The following AP3B1 variants were observed in gnomAD, a reference collection of about 807,000 sequenced individuals.
AP3B1 encodes the protein adaptor related protein complex 3 subunit beta 1.
A neutral mutation model predicts 132.5 loss-of-function variants in AP3B1; 61 were observed. The observed-to-expected ratio is 0.46, with a 90% confidence interval of 0.37 to 0.57. The LOEUF (loss-of-function observed/expected upper bound fraction) is 0.57, where lower values mean the gene tolerates loss of function less well. Ranked by LOEUF, AP3B1 falls within the 20% of genes least tolerant of loss-of-function variation. The pLI, the probability that AP3B1 is intolerant of heterozygous loss-of-function variation, is 0.00. For synonymous variants in AP3B1, 388 were observed against 438.3 expected (o/e 0.89, Z 1.43); for missense variants, 1,120 against 1,289.4 (o/e 0.87, Z 2.01).
chr5:78,067,349 TAGAC>T (rs1749336328), intron 22 of AP3B1, among the ~76,000 whole-genome samples: 2 of 152,294 alleles, frequency 1.3e-5, no homozygotes, highest in Middle Eastern at 3.4e-3. Context: ...CTGTCAATAT[TAGAC>T]AGATCATCGA....
intron 21 of AP3B1, among the ~76,000 whole-genome samples, chr5:78,097,049 CGGG>C (rs1750854181): frequency 8.1e-6 from 1 of 124,002 alleles, no homozygotes; most frequent in Non-Finnish European, 1.7e-5. Context: ...CCGCCCCGTC[CGGG>C]AGGGAGGTTG....
At chr5:78,020,973 T>C (rs1474383131) in intron 24 of AP3B1, among the ~76,000 whole-genome samples, 184 bp from the exon 25 acceptor site, 2 of 152,100 alleles carry the variant, frequency 1.3e-5, no homozygotes, top group Non-Finnish European at 1.5e-5. Context: ...TGCAGAAAAA[T>C]ACATCTGTTA....
At chr5:78,187,870 G>A (rs952748753) in intron 7 of AP3B1, among the ~76,000 whole-genome samples, 1 of 152,086 alleles carries the variant, frequency 6.6e-6, no homozygotes, top group African/African-American at 2.4e-5. Context: ...GCATGGTACT[G>A]GTACAAAAAC....
rs373481590 is a variant in AP3B1 at position 78,156,247 on chromosome 5, T to C, written c.1473+11A>G. On this transcript the variant is annotated intron_variant, in intron 14 of 26. Coordinates refer to ENST00000255194, the MANE Select transcript of AP3B1 (RefSeq NM_003664.5). ...ATAAAATTCAGCAAACATCTCTTAA[T>C]TGATACTCACAGTGATACTGTCCAG... The C allele has an allele frequency of 1.5e-5, 23 of 1,572,544 alleles. No individual in the cohort carries two copies. The Admixed American group carries it at 1.7e-4, about 11-fold the overall frequency.
In AP3B1 at chr5:78,002,557, C is replaced by A; in HGVS notation, c.*345G>T. 1 of 540,532 alleles carries A rather than the reference C, an allele frequency of 1.9e-6. No homozygotes were observed. Among genetic ancestry groups the A allele is most frequent in the Non-Finnish European group, 3.2e-6 (1 of 307,898 alleles). 33.5% of individuals were successfully genotyped at this position (540,532 alleles called of 1,614,324 possible). On this transcript the variant is annotated 3_prime_UTR_variant, in exon 27 of 27. Transcript: ENST00000255194. ...CTTACTGCTGTAGGGAAGAAGATTT[C>A]CAATGAACTTTAAATATCTCATTCA...
chr5:78,118,703 A>T (rs1751989910), intron 17 of AP3B1, among the ~76,000 whole-genome samples: 1 of 152,236 alleles, frequency 6.6e-6, no homozygotes, highest in African/African-American at 2.4e-5. Context: ...AGCCCACCAC[A>T]GCTCAAGGAG....
chr5:78,122,520 G>C (rs369356118), intron 17 of AP3B1, among the ~76,000 whole-genome samples: 1 of 152,118 alleles, frequency 6.6e-6, no homozygotes. Context: ...AAATCAATGT[G>C]CAAAAATCAC....
At chr5:78,275,974 C>T (rs914113887) in intron 1 of AP3B1, among the ~76,000 whole-genome samples, 59 of 152,068 alleles carry the variant, frequency 3.9e-4, no homozygotes, top group Admixed American at 2.8e-3. Flanking sequence ...AAGGTTTCAA[C>T]AAATTTGAAA....
intron 2 of AP3B1, among the ~76,000 whole-genome samples, chr5:78,246,056 T>C (rs929799939): frequency 2.0e-5 from 3 of 152,208 alleles, no homozygotes; most frequent in Admixed American, 1.3e-4. Context: ...GTTCTAATCA[T>C]GCCCTCTGCT....
rs143012779 is a variant in AP3B1, at chr5:78,176,802, T to C, written c.1040+537A>G. Among the ~76,000 whole-genome samples the C allele has an allele frequency of 3.1e-3, 468 of 152,322 alleles. 2 individuals are homozygous for C. The highest frequency in any genetic ancestry group is 0.011 in the African/African-American group (446 of 41,582). Reference sequence around the variant, plus strand: ...GTCTGTCTATCTGAAACTAAGAGTATGCAATCTTTAAAATGAGTAGCTATT... The same window carrying C: ...GTCTGTCTATCTGAAACTAAGAGTACGCAATCTTTAAAATGAGTAGCTATT... On this transcript the variant is annotated intron_variant, in intron 9 of 26. Coordinates refer to ENST00000255194, the MANE Select transcript of AP3B1 (RefSeq NM_003664.5).
At chr5:78,065,242 A>T (rs1749236422) in intron 22 of AP3B1, among the ~76,000 whole-genome samples, 1 of 152,186 alleles carries the variant, frequency 6.6e-6, no homozygotes, top group South Asian at 2.1e-4. Context: ...CTTGGGTCCC[A>T]AGCACAGCTG....
intron 22 of AP3B1, among the ~76,000 whole-genome samples, chr5:78,081,555 C>T (rs991183184): frequency 6.6e-6 from 1 of 152,050 alleles, no homozygotes; most frequent in Non-Finnish European, 1.5e-5. Flanking sequence ...CCTCGGCCTT[C>T]CAAAGTGCCA....
intron 26 of AP3B1, among the ~76,000 whole-genome samples, chr5:78,005,215 T>C (rs532648640): frequency 5.6e-4 from 85 of 152,306 alleles, no homozygotes; most frequent in Non-Finnish European, 9.3e-4. Context: ...GGGTTATAAT[T>C]ATGTAAACAA....
chr5:78,142,252 C>A (rs890148445), intron 14 of AP3B1, among the ~76,000 whole-genome samples: 2 of 152,204 alleles, frequency 1.3e-5, no homozygotes, highest in African/African-American at 2.4e-5. Flanking sequence ...ACCATTAAGA[C>A]CAACAATTTA....
At chr5:78,203,451 C>T (rs1013867475) in intron 7 of AP3B1, among the ~76,000 whole-genome samples, 1 of 152,008 alleles carries the variant, frequency 6.6e-6, no homozygotes, top group Non-Finnish European at 1.5e-5. Flanking sequence ...GGAAAACTGC[C>T]CCCCATGATT....
At chr5:78,112,693 T>A (rs1455542570) in intron 19 of AP3B1, among the ~76,000 whole-genome samples, 4 of 152,226 alleles carry the variant, frequency 2.6e-5, no homozygotes, top group Non-Finnish European at 5.9e-5. Context: ...AAGTGAATGA[T>A]TCTAAATATA....
rs765408464 is a variant in AP3B1, at chr5:78,015,581, A to G, written c.2993-33T>C. ...AGCAAAAGAAGGCTCCCTTTTATTA[A>G]TTTCTTTTTGAAAATTACATTTACA... On this transcript the variant is annotated intron_variant, in intron 25 of 26. Transcript: ENST00000255194. 1,037 of 1,609,720 alleles carry G rather than the reference A, an allele frequency of 6.4e-4. 7 individuals carry two copies. Among genetic ancestry groups the G allele is most frequent in the East Asian group, 4.5e-4 (20 of 44,784 alleles).
intron 22 of AP3B1, chr5:78,042,679 C>A: frequency 5.8e-6 from 1 of 173,054 alleles, no homozygotes; most frequent in South Asian, 1.6e-4. Context: ...GAGCATTTCT[C>A]GAGAGATGTT....
rs374033915 is a variant in AP3B1 at position 78,058,410 on chromosome 5, G to T, written c.2578-19136C>A. Among the ~76,000 whole-genome samples the T allele has an allele frequency of 2.5e-4, 38 of 152,182 alleles. 1 individual carries two copies. In the East Asian group the frequency reaches 5.4e-3, roughly 22 times the overall value. Reference sequence around the variant, plus strand: ...AGCTACTCCGGAGGCTGAGGCAGGAGAATCGCTTGAACCCGGGAGGCGGAG... The same window carrying T: ...AGCTACTCCGGAGGCTGAGGCAGGATAATCGCTTGAACCCGGGAGGCGGAG... On this transcript the variant is annotated intron_variant, in intron 22 of 26. Transcript: ENST00000255194.
Sources: allele counts gnomAD v4.1 joint callset (sites outside exome capture counted in the v4.1 genomes callset), GRCh38; gene constraint gnomAD v4.1.1; transcripts MANE v1.5; gene names NCBI Gene and HGNC (gene_info 2026-07-23, HGNC 2026-07-21).